The following KCNH3 variants were observed in gnomAD, a reference collection of about 807,000 sequenced individuals.
The protein encoded by KCNH3 is voltage-gated inwardly rectifying potassium channel KCNH3.
A neutral mutation model predicts 95.6 loss-of-function variants in KCNH3; 36 were observed. The observed-to-expected ratio is 0.38, with a 90% confidence interval of 0.29 to 0.50. The LOEUF is 0.50. Ranked by LOEUF, KCNH3 falls within the 20% of genes least tolerant of loss-of-function variation. The pLI is 0.95. For missense variants in KCNH3, 1,030 were observed against 1,484.1 expected, an observed-to-expected ratio of 0.69 and a Z score of 5.03; for synonymous variants, 620 against 646.3, an observed-to-expected ratio of 0.96 and a Z score of 0.62.
At chr12:49,542,374 G>A (rs536784445) in intron 3 of KCNH3, among the ~76,000 whole-genome samples, 3 of 152,290 alleles carry the variant, frequency 2.0e-5, no homozygotes, top group Admixed American at 1.3e-4. Context: ...CTCTGCTGAC[G>A]GCCTCCTGCT....
chr12:49,540,351 C>A (rs1386761328), intron 1 of KCNH3, among the ~76,000 whole-genome samples: 1 of 152,212 alleles, frequency 6.6e-6, no homozygotes, highest in African/African-American at 2.4e-5. Flanking sequence ...CGTGCTCAGT[C>A]ACCATTCTTA....
In KCNH3 at chr12:49,539,560, A is replaced by G; in HGVS notation, c.76+68A>G. 1 of 1,396,256 alleles carries G rather than the reference A, an allele frequency of 7.2e-7. No homozygotes were observed. The highest frequency in any genetic ancestry group is 2.0e-5 in the Admixed American group (1 of 50,580). 86.5% of individuals were successfully genotyped at this position (1,396,256 alleles called of 1,614,324 possible). A position where few individuals can be genotyped will look rare whatever the true frequency, so the allele number is the denominator to read the frequency against. On this transcript the variant is annotated intron_variant, in intron 1 of 14. Coordinates refer to ENST00000257981, the MANE Select transcript of KCNH3 (RefSeq NM_012284.3). This position sits in a 1 kb window ranked among gnomAD's most constrained non-coding sequence, Gnocchi z 6.7. ...CTCGCCAGGGCTCCCGCCTTCCCCG[A>G]ACCCCCAGCAGCCCAGCTTGGCGCC...
At chr12:49,544,145 TCC>T in intron 6 of KCNH3, 28 bp from the exon 7 acceptor site, 1 of 818,380 alleles carries the variant, frequency 1.2e-6, no homozygotes, top group African/African-American at 1.7e-5. Context: ...CTGACCTCCC[TCC>T]CTCCCTCCCT....
At chr12:49,554,629 T>C (rs1592510621) in intron 11 of KCNH3, 75 bp downstream of exon 11, 1 of 1,311,710 alleles carries the variant, frequency 7.6e-7, no homozygotes, top group East Asian at 2.4e-5. Context: ...AGGCTGGGGA[T>C]GGTGGAGAGC....
intron 10 of KCNH3, among the ~76,000 whole-genome samples, chr12:49,553,508 G>A (rs1339483439): frequency 6.6e-6 from 1 of 152,132 alleles, no homozygotes; most frequent in Admixed American, 6.5e-5. Flanking sequence ...CTTTGTGTGA[G>A]GCACTTTATC....
Position 49,549,302 on chromosome 12 carries a change from CG to C in KCNH3, c.1468+134del, listed in dbSNP as rs996882067. 9.6e-6 allele frequency: 14 copies of C among 1,455,238 alleles called. No homozygotes were observed. The South Asian group carries it at 1.7e-4, about 18-fold the overall frequency. 90.1% of individuals were successfully genotyped at this position (1,455,238 alleles called of 1,614,324 possible). A position where few individuals can be genotyped will look rare whatever the true frequency, so the allele number is the denominator to read the frequency against. The stretch of plus-strand genomic sequence containing the variant: ...TTTAGGTGGCCGCGGAACCCGAGGC[CG>C]GGGGTGGGGGAGACTTCGCCCGCAC... On this transcript the variant is annotated intron_variant, in intron 8 of 14. Coordinates refer to ENST00000257981, the MANE Select transcript of KCNH3 (RefSeq NM_012284.3).
intron 8 of KCNH3, 52 bp downstream of exon 8, chr12:49,549,225 C>G (rs753148885): frequency 2.0e-6 from 3 of 1,530,772 alleles, no homozygotes; most frequent in Non-Finnish European, 2.6e-6. Flanking sequence ...CTTCTGCCCG[C>G]AGGCGGCGCC....
At position 49,557,536 on chromosome 12, in the gene KCNH3, C is replaced by T. The variant is rs764778856; in HGVS notation, c.2835C>T (p.Ser945=). The change falls in exon 15 of 15, where the codon TCC becomes TCT. Residue 945 remains serine, a synonymous_variant. Transcript: ENST00000257981. ...LQPLCVDTGA[S]SYCLQPPAGS... ...CTCTGTGTGTGGACACTGGGGCATC[C>T]TCCTACTGCCTGCAGCCCCCAGCTG... is the stretch of plus-strand genomic sequence containing the variant. 6.2e-7 allele frequency: 1 copy of T among 1,611,708 alleles called. No individual in the cohort carries two copies. Among genetic ancestry groups the T allele is most frequent in the Non-Finnish European group, 8.5e-7 (1 of 1,179,978 alleles).
intron 1 of KCNH3, 136 bp from the exon 2 acceptor site, chr12:49,540,763 C>T (rs1454377575): frequency 6.2e-6 from 4 of 649,130 alleles, no homozygotes; most frequent in African/African-American, 3.6e-5. Flanking sequence ...TATTCATAAA[C>T]AGCCCTGCCT....
chr12:49,555,802 A>G lies in KCNH3; in HGVS notation c.2319A>G (p.Thr773=). Residue 773 remains threonine, a synonymous_variant, in exon 12 of 15, where the codon ACA becomes ACG. Transcript: ENST00000257981. ...SAAKLLSPRR[T]APRPRLGGRG... ...CCAAGCTGCTATCCCCACGTCGAAC[A>G]GCACCCCGGCCTCGTCTAGGTGGCA... 10 of 1,613,572 alleles carry G rather than the reference A, an allele frequency of 6.2e-6. No homozygotes were observed. Among genetic ancestry groups the G allele is most frequent in the Non-Finnish European group, 8.5e-6 (10 of 1,179,888 alleles).
At chr12:49,547,805 C>T (rs997050484) in intron 7 of KCNH3, among the ~76,000 whole-genome samples, 3 of 152,106 alleles carry the variant, frequency 2.0e-5, no homozygotes, top group Non-Finnish European at 2.9e-5. Context: ...TGACCCCAAG[C>T]CACAGCCACA....
intron 7 of KCNH3, among the ~76,000 whole-genome samples, chr12:49,546,615 T>C (rs997563389): frequency 6.6e-6 from 1 of 152,206 alleles, no homozygotes; most frequent in African/African-American, 2.4e-5. Context: ...TGCTGAGTAT[T>C]GAGGGAGAGA....
In KCNH3 at chr12:49,549,580, G is replaced by C; in HGVS notation, c.1608G>C (p.Gln536His). Reference protein sequence around the residue: ...RIHRIPKPLKQRMLEYFQATW... With the variant: ...RIHRIPKPLKHRMLEYFQATW... ...ACCGTATCCCCAAGCCCCTCAAGCA[G>C]CGCATGCTGGAGTACTTCCAGGCCA... is the stretch of plus-strand genomic sequence containing the variant. Residue 536 changes from glutamine (Q) to histidine (H), a missense_variant, in exon 9 of 15, where the codon CAG becomes CAC. Physicochemically the swap from Gln to His is conservative, Grantham distance 24 (BLOSUM62 0). Around this residue, in one of 9 missense-constraint regions of KCNH3, gnomAD observed 160 missense variants for 316.2 expected, o/e 0.51. Coordinates refer to ENST00000257981, the MANE Select transcript of KCNH3 (RefSeq NM_012284.3). 2.5e-6 allele frequency: 4 copies of C among 1,613,148 alleles called. No homozygotes were observed. The highest frequency in any genetic ancestry group is 2.5e-6 in the Non-Finnish European group (3 of 1,180,046).
At chr12:49,544,145 T>TAC in intron 6 of KCNH3, 30 bp from the exon 7 acceptor site, 2 of 818,332 alleles carry the variant, frequency 2.4e-6, no homozygotes, top group Non-Finnish European at 3.9e-6. Context: ...CTGACCTCCC[T>TAC]CCCTCCCTCC....
intron 7 of KCNH3, among the ~76,000 whole-genome samples, chr12:49,547,816 C>A (rs1205248100): frequency 2.6e-5 from 4 of 152,136 alleles, no homozygotes; most frequent in African/African-American, 9.7e-5. Flanking sequence ...CACAGCCACA[C>A]ATACCCTCTG....
In KCNH3 at chr12:49,555,654, T is replaced by A; in HGVS notation, c.2171T>A (p.Leu724His). 1 of 1,583,204 alleles carries A rather than the reference T, an allele frequency of 6.3e-7. No individual in the cohort carries two copies. The highest frequency in any genetic ancestry group is 8.6e-7 in the Non-Finnish European group (1 of 1,162,162). ...AGCTCCCTGAGCGGCGACAATACCC[T>A]TATGTCCACGCTGGAGGAGAAGGAG... ...DTSSLSGDNTLMSTLEEKETD... is the reference protein window; with the variant it reads ...DTSSLSGDNTHMSTLEEKETD... Residue 724 changes from leucine to histidine, a missense_variant, in exon 12 of 15, where the codon CTT becomes CAT. Leu to His is a moderately conservative substitution (Grantham distance 99). This residue lies in a region of KCNH3 where 464 missense variants were observed against 493.2 expected (regional missense o/e 0.94). Transcript: ENST00000257981.
intron 8 of KCNH3, 43 bp from the exon 9 acceptor site, chr12:49,549,398 G>T: frequency 1.2e-6 from 2 of 1,603,366 alleles, no homozygotes. Context: ...TGTCAGGCCG[G>T]GCCAGGTCCC....
At position 49,558,281 on chromosome 12, in the gene KCNH3, A is replaced by C. The variant is rs1222279310; in HGVS notation, c.*328A>C. 4 of 393,672 alleles carry C rather than the reference A, an allele frequency of 1.0e-5. No individual in the cohort carries two copies. The highest frequency in any genetic ancestry group is 2.1e-5 in the African/African-American group (1 of 48,530). The allele number at this position is 393,672 out of a possible 1,614,324, so 24.4% of individuals were successfully genotyped here. A position where few individuals can be genotyped will look rare whatever the true frequency, so the allele number is the denominator to read the frequency against. ...CTGTCCCCAAATTTTTATATTAAAA[A>C]AAAAAAATAAAATAAACTACTTTGG... is the stretch of plus-strand genomic sequence containing the variant. On this transcript the variant is annotated 3_prime_UTR_variant, in exon 15 of 15. Coordinates refer to ENST00000257981, the MANE Select transcript of KCNH3 (RefSeq NM_012284.3).
Position 49,548,890 on chromosome 12 carries a change from C to A in KCNH3, c.1190-5C>A. ...CCTGCTCAGGCCCTGCTGTTCCCCC[C>A]TCAGGCTGGCTGCAGGAGCTGGCCC... On this transcript the variant is annotated splice_polypyrimidine_tract_variant and splice_region_variant and intron_variant, in intron 7 of 14. Transcript: ENST00000257981. 2 of 1,561,814 alleles carry A rather than the reference C, an allele frequency of 1.3e-6. No individual in the cohort carries two copies. The highest frequency in any genetic ancestry group is 1.7e-6 in the Non-Finnish European group (2 of 1,154,340).
Sources: allele counts gnomAD v4.1 joint callset (sites outside exome capture counted in the v4.1 genomes callset), GRCh38; gene constraint gnomAD v4.1.1; regional missense constraint gnomAD v4.1.1; non-coding constraint Gnocchi (gnomAD v3.1); transcripts MANE v1.5; gene names NCBI Gene and HGNC (gene_info 2026-07-23, HGNC 2026-07-21).